Variants in LRRN2 observed in about 807,000 individuals in gnomAD.
LRRN2 encodes leucine-rich repeat neuronal protein 2.
Under a neutral mutation model 35.7 loss-of-function variants are expected in LRRN2, and 10 were observed. That is an observed-to-expected ratio of 0.28 (90% CI 0.17 to 0.47). LRRN2 has a LOEUF of 0.47. Among genes scored for constraint, LRRN2 ranks in the 20% least tolerant of loss-of-function variants. The probability of loss-of-function intolerance (pLI) is 0.99; values close to 1 mark genes in which losing one functional copy is unlikely to be tolerated. For synonymous variants in LRRN2, 391 were observed against 409.6 expected, an observed-to-expected ratio of 0.95 and a Z score of 0.55; for missense variants, 731 against 940.3, an observed-to-expected ratio of 0.78 and a Z score of 2.91.
intron 1 of LRRN2, among the ~76,000 whole-genome samples, chr1:204,642,950 G>C (rs928651862): frequency 6.6e-6 from 1 of 152,166 alleles, no homozygotes; most frequent in African/African-American, 2.4e-5. Context: ...CTCAGAGCCT[G>C]ATAGACTGTT....
At position 204,618,013 on chromosome 1, in the gene LRRN2, A is replaced by G; in HGVS notation, c.1980T>C (p.Gly660=). The G allele has an allele frequency of 6.2e-7, 1 of 1,612,600 alleles. No individual in the cohort carries two copies. The highest frequency in any genetic ancestry group is 8.5e-7 in the Non-Finnish European group (1 of 1,179,446). The change falls in exon 2 of 2, where the codon GGT becomes GGC. Residue 660 remains glycine, a synonymous_variant. Transcript: ENST00000367177. ...AGGCTGGAGGGAGAGGCCGCCTCCCACCCACACCCTTCCTGGGTTGGCCTG... is the reference window on the plus strand; with the variant it reads ...AGGCTGGAGGGAGAGGCCGCCTCCCGCCCACACCCTTCCTGGGTTGGCCTG... ...LGTGQPRKGV[G]GRRPLPPAWA...
intron 1 of LRRN2, among the ~76,000 whole-genome samples, chr1:204,657,662 A>G (rs1314444471): frequency 6.6e-6 from 1 of 152,168 alleles, no homozygotes; most frequent in Non-Finnish European, 1.5e-5. Context: ...GATAATGGCA[A>G]TGGATGTACA....
chr1:204,625,133 G>A (rs1667242308), intron 1 of LRRN2, among the ~76,000 whole-genome samples: 1 of 152,226 alleles, frequency 6.6e-6, no homozygotes, highest in Non-Finnish European at 1.5e-5. Context: ...AATAACTTAT[G>A]TGAAGGAGGA....
intron 1 of LRRN2, among the ~76,000 whole-genome samples, chr1:204,641,833 TC>T (rs1667984582): frequency 6.6e-6 from 1 of 152,172 alleles, no homozygotes; most frequent in African/African-American, 2.4e-5. Context: ...GCAGGGGTCT[TC>T]CCCCACCCCT....
intron 1 of LRRN2, among the ~76,000 whole-genome samples, chr1:204,662,194 TC>T (rs1175403842): frequency 1.3e-5 from 2 of 152,096 alleles, no homozygotes; most frequent in Non-Finnish European, 2.9e-5. Flanking sequence ...ACGTGGCACT[TC>T]CATAGACAAA....
chr1:204,682,142 C>A (rs1668968015), intron 1 of LRRN2, among the ~76,000 whole-genome samples: 1 of 152,178 alleles, frequency 6.6e-6, no homozygotes, highest in African/African-American at 2.4e-5. Context: ...GGCCATAGAT[C>A]AAGCTTCTAT....
intron 1 of LRRN2, among the ~76,000 whole-genome samples, chr1:204,636,865 C>G (rs1266550785): frequency 6.6e-6 from 1 of 152,202 alleles, no homozygotes; most frequent in Non-Finnish European, 1.5e-5. Context: ...AAAAAAACTT[C>G]CCAGGATTTC....
At chr1:204,673,474 C>T (rs1457203453) in intron 1 of LRRN2, among the ~76,000 whole-genome samples, 1 of 152,172 alleles carries the variant, frequency 6.6e-6, no homozygotes, top group Admixed American at 6.5e-5. Flanking sequence ...TGAGACACGT[C>T]CAGGGTCATA....
At chr1:204,673,416 G>A (rs534806888) in intron 1 of LRRN2, among the ~76,000 whole-genome samples, 3 of 152,204 alleles carry the variant, frequency 2.0e-5, no homozygotes, top group Admixed American at 6.5e-5. Flanking sequence ...TGAACTGGGT[G>A]TGTTAAACCC....
At chr1:204,623,428 G>A (rs987602060) in intron 1 of LRRN2, among the ~76,000 whole-genome samples, 7 of 152,324 alleles carry the variant, frequency 4.6e-5, no homozygotes, top group East Asian at 3.9e-4. Context: ...CTCCTGGGCC[G>A]GGAGCCTGGG....
chr1:204,619,902 G>A lies in LRRN2; in HGVS notation c.91C>T (p.Pro31Ser). Residue 31 changes from proline to serine, a missense_variant, in exon 2 of 2, where the codon CCT (proline) becomes TCT (serine). Pro to Ser is a moderately conservative substitution (Grantham distance 74). Coordinates refer to ENST00000367177, the MANE Select transcript of LRRN2 (RefSeq NM_201630.2). ...PVVPWHVPCP[P>S]QCACQIRPWY... Reference sequence around the variant, plus strand: ...GGCCGGATCTGGCAGGCACACTGAGGGGGGCAGGGAACATGCCAGGGTACC... The same window carrying A: ...GGCCGGATCTGGCAGGCACACTGAGAGGGGCAGGGAACATGCCAGGGTACC... 1 of 1,613,896 alleles carries A rather than the reference G, an allele frequency of 6.2e-7. No homozygotes were observed. The highest frequency in any genetic ancestry group is 1.1e-5 in the South Asian group (1 of 91,064).
intron 1 of LRRN2, among the ~76,000 whole-genome samples, chr1:204,636,580 C>T (rs544625607): frequency 3.1e-4 from 47 of 152,200 alleles, no homozygotes; most frequent in African/African-American, 7.0e-4. Context: ...TAGGGGCATC[C>T]GCACAGAGCA....
intron 1 of LRRN2, among the ~76,000 whole-genome samples, chr1:204,678,390 A>G (rs533772955): frequency 6.6e-6 from 1 of 152,290 alleles, no homozygotes; most frequent in Non-Finnish European, 1.5e-5. Flanking sequence ...GAGGGCAACC[A>G]GGCAGCACTT....
chr1:204,641,590 C>T (rs966402320), intron 1 of LRRN2, among the ~76,000 whole-genome samples: 1 of 152,156 alleles, frequency 6.6e-6, no homozygotes, highest in African/African-American at 2.4e-5. Flanking sequence ...AACAACCCTA[C>T]GAGAGTAGTA....
intron 1 of LRRN2, among the ~76,000 whole-genome samples, chr1:204,642,884 C>G (rs990365763): frequency 5.3e-5 from 8 of 152,178 alleles, no homozygotes. Context: ...CATTTTCCAG[C>G]CCATCCCCTG....
At chr1:204,645,776 C>T (rs771655116) in intron 1 of LRRN2, among the ~76,000 whole-genome samples, 2 of 152,082 alleles carry the variant, frequency 1.3e-5, no homozygotes, top group Non-Finnish European at 2.9e-5. Flanking sequence ...GGCGGCAGGA[C>T]GGAGTGAGTG....
intron 1 of LRRN2, among the ~76,000 whole-genome samples, chr1:204,661,316 A>G (rs182234001): frequency 6.8e-4 from 103 of 152,260 alleles, no homozygotes; most frequent in African/African-American, 2.4e-3. Flanking sequence ...AATGTCCTAC[A>G]TGTTGTTTTA....
At chr1:204,642,553 C>T (rs1668004889) in intron 1 of LRRN2, among the ~76,000 whole-genome samples, 2 of 152,192 alleles carry the variant, frequency 1.3e-5, no homozygotes, top group South Asian at 2.1e-4. Context: ...GCTCTCTTTG[C>T]CAAACTTTCA....
chr1:204,641,169 A>T (rs1667968966), intron 1 of LRRN2, among the ~76,000 whole-genome samples: 1 of 152,242 alleles, frequency 6.6e-6, no homozygotes, highest in African/African-American at 2.4e-5. Flanking sequence ...TATTTCTGCA[A>T]GGACATCTGT....
Sources: gnomAD v4.1 joint callset for allele counts (sites outside exome capture counted in the v4.1 genomes callset) on GRCh38, gnomAD v4.1.1 for gene constraint, MANE v1.5 for transcripts, NCBI Gene and HGNC (gene_info 2026-07-23, HGNC 2026-07-21) for gene names.